Variants in EPB41L2 observed in about 807,000 individuals in gnomAD.
EPB41L2 encodes the protein band 4.1-like protein 2.
EPB41L2 carries 43 observed loss-of-function variants against 113.0 expected under a neutral mutation model. That is an observed-to-expected ratio of 0.38 (90% CI 0.30 to 0.49). EPB41L2 has a LOEUF of 0.49. Ranked by LOEUF, EPB41L2 falls within the 20% of genes least tolerant of loss-of-function variation. The probability of loss-of-function intolerance (pLI) is 0.95; values close to 1 mark genes in which losing one functional copy is unlikely to be tolerated. For missense variants in EPB41L2, 1,147 were observed against 1,223.4 expected, an observed-to-expected ratio of 0.94 and a Z score of 0.93; for synonymous variants, 442 against 436.7, an observed-to-expected ratio of 1.01 and a Z score of -0.15.
chr6:131,022,648 T>C (rs1212196086), intron 1 of EPB41L2, among the ~76,000 whole-genome samples: 1 of 152,200 alleles, frequency 6.6e-6, no homozygotes, highest in Non-Finnish European at 1.5e-5. Context: ...GGGGTTCAAA[T>C]GAATCAAAGC....
At chr6:130,880,804 A>T (rs938109537) in intron 12 of EPB41L2, 2 of 314,508 alleles carry the variant, frequency 6.4e-6, no homozygotes, top group African/African-American at 2.1e-5. Flanking sequence ...CAAAAATGGC[A>T]TAATTCAATC....
intron 1 of EPB41L2, among the ~76,000 whole-genome samples, chr6:131,017,374 T>C (rs1341655889): frequency 2.6e-5 from 4 of 152,182 alleles, no homozygotes; most frequent in African/African-American, 9.6e-5. Context: ...TGAGTAGAAA[T>C]CATTTATCAG....
chr6:130,935,690 CTCAT>C, intron 3 of EPB41L2, among the ~76,000 whole-genome samples: 1 of 152,226 alleles, frequency 6.6e-6, no homozygotes, highest in East Asian at 1.9e-4. Context: ...CTTTTAATAT[CTCAT>C]TCATAACTAC....
chr6:130,906,801 A>G (rs1350625654), intron 5 of EPB41L2, among the ~76,000 whole-genome samples: 1 of 152,194 alleles, frequency 6.6e-6, no homozygotes, highest in African/African-American at 2.4e-5. Flanking sequence ...CCATTTTAAT[A>G]CAGAAAGAAA....
At chr6:130,986,919 A>T (rs529135050) in intron 1 of EPB41L2, among the ~76,000 whole-genome samples, 12 of 152,346 alleles carry the variant, frequency 7.9e-5, no homozygotes, top group Admixed American at 1.3e-4. Context: ...ACCCCCAGCA[A>T]TCACTAATCT....
At chr6:130,882,645 G>C (rs1789687424) in intron 12 of EPB41L2, 1 of 153,020 alleles carries the variant, frequency 6.5e-6, no homozygotes, top group Non-Finnish European at 1.5e-5. Context: ...AGAGAAAAAG[G>C]AACTGACTGA....
intron 14 of EPB41L2, among the ~76,000 whole-genome samples, chr6:130,871,051 T>C (rs1341109476): frequency 6.6e-6 from 1 of 152,200 alleles, no homozygotes; most frequent in Admixed American, 6.5e-5. Flanking sequence ...AAGTTTATTA[T>C]TTGACATGTT....
At chr6:130,934,647 A>G (rs1282799896) in intron 3 of EPB41L2, among the ~76,000 whole-genome samples, 1 of 151,804 alleles carries the variant, frequency 6.6e-6, no homozygotes, top group Non-Finnish European at 1.5e-5. Flanking sequence ...TAATTTTTAA[A>G]ATGTTTTGGT....
chr6:131,060,061 C>T (rs1039941028), intron 1 of EPB41L2, among the ~76,000 whole-genome samples: 14 of 152,128 alleles, frequency 9.2e-5, no homozygotes, highest in Non-Finnish European at 1.9e-4. Flanking sequence ...CAATAAAAAG[C>T]CCACACATAG....
chr6:131,024,696 T>C (rs1584605945), intron 1 of EPB41L2, among the ~76,000 whole-genome samples: 1 of 152,226 alleles, frequency 6.6e-6, no homozygotes, highest in Non-Finnish European at 1.5e-5. Flanking sequence ...GCCAAGCACA[T>C]ACGACGCACT....
chr6:130,840,241 C>T lies in EPB41L2; in HGVS notation c.*363G>A, dbSNP rs1775061367. ...GTTCAAGTGAACAGCACCTTACCAG[C>T]TTGGGCTGGCTTTGTTCACTGTCAT... On this transcript the variant is annotated 3_prime_UTR_variant, in exon 20 of 20. Coordinates refer to ENST00000337057, the MANE Select transcript of EPB41L2 (RefSeq NM_001431.4). The T allele has an allele frequency of 6.6e-6, 1 of 152,582 alleles. No homozygotes were observed. Among genetic ancestry groups the T allele is most frequent in the Admixed American group, 6.5e-5 (1 of 15,268 alleles). 9.5% of individuals were successfully genotyped at this position (152,582 alleles called of 1,614,324 possible).
At chr6:130,849,132 C>T (rs1490644557) in intron 19 of EPB41L2, among the ~76,000 whole-genome samples, 1 of 152,160 alleles carries the variant, frequency 6.6e-6, no homozygotes, top group Non-Finnish European at 1.5e-5. Context: ...ATATGACAGG[C>T]AGTAGCACTG....
chr6:131,030,961 A>T (rs1362774743), intron 1 of EPB41L2, among the ~76,000 whole-genome samples: 2 of 151,950 alleles, frequency 1.3e-5, no homozygotes, highest in African/African-American at 4.8e-5. Context: ...TGGCAGTGGC[A>T]CGCACCAGTA....
rs184152013 is a variant in EPB41L2 at position 130,840,495 on chromosome 6, T to C, written c.*109A>G. 2.5e-4 allele frequency: 38 copies of C among 152,194 alleles called. No homozygotes were observed. Among genetic ancestry groups the C allele is most frequent in the African/African-American group, 8.9e-4 (37 of 41,530 alleles). 9.4% of individuals were successfully genotyped at this position (152,194 alleles called of 1,614,324 possible). On this transcript the variant is annotated 3_prime_UTR_variant, in exon 20 of 20. Transcript: ENST00000337057. ...TCAGGCTTCTGGTCATTGTTACCAG[T>C]TGTAGCATAAATTCGCTGGAATAGT...
chr6:130,922,642 T>C (rs1378921861), intron 4 of EPB41L2, among the ~76,000 whole-genome samples: 3 of 152,308 alleles, frequency 2.0e-5, no homozygotes, highest in African/African-American at 7.2e-5. Context: ...CCTTTTAGGG[T>C]TATTCTGAGA....
chr6:130,953,893 G>C (rs574127404), intron 3 of EPB41L2, among the ~76,000 whole-genome samples: 8 of 151,946 alleles, frequency 5.3e-5, no homozygotes, highest in Non-Finnish European at 1.0e-4. Flanking sequence ...CTGGTGCCTT[G>C]ATCTGGGACT....
chr6:130,907,120 A>G (rs924420416), intron 5 of EPB41L2, among the ~76,000 whole-genome samples: 1 of 152,210 alleles, frequency 6.6e-6, no homozygotes, highest in African/African-American at 2.4e-5. Context: ...AACCCAAACA[A>G]AACCATAGGA....
At chr6:131,028,350 T>C (rs991825526) in intron 1 of EPB41L2, among the ~76,000 whole-genome samples, 3 of 152,192 alleles carry the variant, frequency 2.0e-5, no homozygotes, top group Non-Finnish European at 4.4e-5. Flanking sequence ...TTGTCACGAA[T>C]GGATTGGGTC....
chr6:130,987,457 C>T (rs1003631172), intron 1 of EPB41L2, among the ~76,000 whole-genome samples: 4 of 152,116 alleles, frequency 2.6e-5, no homozygotes, highest in African/African-American at 9.7e-5. Flanking sequence ...CTTTGGGAGG[C>T]CAAGACAGGT....
Sources: gnomAD v4.1 joint callset for allele counts (sites outside exome capture counted in the v4.1 genomes callset) on GRCh38, gnomAD v4.1.1 for gene constraint, MANE v1.5 for transcripts, NCBI Gene and HGNC (gene_info 2026-07-23, HGNC 2026-07-21) for gene names.